The following ADAP1 variants were observed in gnomAD, a reference collection of about 807,000 sequenced individuals.
ADAP1 encodes the protein arf-GAP with dual PH domain-containing protein 1.
Under a neutral mutation model 54.9 loss-of-function variants are expected in ADAP1, and 31 were observed. That is an observed-to-expected ratio of 0.56 (90% CI 0.42 to 0.76). The LOEUF (loss-of-function observed/expected upper bound fraction) is 0.76. ADAP1 is among the 30% of genes least tolerant of loss of function. The pLI is 0.00. For synonymous variants in ADAP1, 313 were observed against 202.6 expected (o/e 1.55, Z -4.63); for missense variants, 535 against 512.4 (o/e 1.04, Z -0.42).
chr7:934,501 C>T (rs1041671014), intron 2 of ADAP1, among the ~76,000 whole-genome samples: 1 of 152,134 alleles, frequency 6.6e-6, no homozygotes, highest in African/African-American at 2.4e-5. Flanking sequence ...CCACTCTCAC[C>T]TCCATGCGGC....
chr7:911,604 G>T (rs1845726821), intron 4 of ADAP1, among the ~76,000 whole-genome samples: 1 of 116,486 alleles, frequency 8.6e-6, no homozygotes, highest in Non-Finnish European at 1.8e-5. Flanking sequence ...AGGGGGCGGG[G>T]GTCCCACGGA....
At chr7:950,365 A>T (rs765870823) in intron 1 of ADAP1, among the ~76,000 whole-genome samples, 1 of 152,080 alleles carries the variant, frequency 6.6e-6, no homozygotes, top group Non-Finnish European at 1.5e-5. Context: ...GTGCACCTGT[A>T]GTCCCAGCTA....
chr7:926,621 G>C lies in ADAP1; in HGVS notation c.237C>G (p.Asp79Glu). The C allele has an allele frequency of 1.3e-6, 2 of 1,544,226 alleles. No individual in the cohort carries two copies. The highest frequency in any genetic ancestry group is 2.5e-5 in the East Asian group (1 of 40,120). Residue 79 changes from aspartate (D) to glutamate (E), a missense_variant, in exon 3 of 11, where the codon GAC becomes GAG. Asp to Glu is a conservative substitution (Grantham distance 45). Transcript: ENST00000265846. This position sits in a 1 kb window ranked among gnomAD's most constrained non-coding sequence, Gnocchi z 4.6. ...TGGACTCAAACCTGGCTCTCGCGGC[G>C]TCGTTCCCGTGGGAGGCCATGAACT... is the stretch of plus-strand genomic sequence containing the variant. ...QVEFMASHGN[D>E]AARARFESKV... is the part of the protein sequence containing the mutation.
intron 1 of ADAP1, among the ~76,000 whole-genome samples, chr7:940,229 T>C (rs1209608528): frequency 6.6e-6 from 1 of 151,234 alleles, no homozygotes; most frequent in African/African-American, 2.4e-5. Context: ...ATCCCAGCAT[T>C]TTGGGAGATT....
chr7:931,407 G>A (rs895639646), intron 2 of ADAP1, among the ~76,000 whole-genome samples: 3 of 152,180 alleles, frequency 2.0e-5, no homozygotes, highest in South Asian at 2.1e-4. Context: ...TGAAAGGAAC[G>A]AAGCTGTCAC....
chr7:905,122 A>G lies in ADAP1; in HGVS notation c.439T>C (p.Leu147=). The G allele has an allele frequency of 6.2e-7, 1 of 1,612,550 alleles. No individual in the cohort carries two copies. Among genetic ancestry groups the G allele is most frequent in the Non-Finnish European group, 8.5e-7 (1 of 1,179,910 alleles). The stretch of plus-strand genomic sequence containing the variant: ...TCTGTCAGCACAAACTTCCGGCTCA[A>G]AAACTGCCCGTTGTCCCGGCCACGC... ...WKRGRDNGQF[L]SRKFVLTERE... Residue 147 remains leucine, a synonymous_variant, in exon 5 of 11, where the codon TTG becomes CTG. Transcript: ENST00000265846.
chr7:947,214 G>GTTT (rs373444087), intron 1 of ADAP1, among the ~76,000 whole-genome samples: 850 of 84,178 alleles, frequency 0.01, 14 homozygotes, highest in Admixed American at 0.014. Flanking sequence ...TGATTTTTTG[G>GTTT]TTTTTTTTTT....
chr7:953,840 T>C (rs1231552244), intron 1 of ADAP1, among the ~76,000 whole-genome samples: 1 of 152,032 alleles, frequency 6.6e-6, no homozygotes, highest in East Asian at 1.9e-4. Flanking sequence ...CGGCCCCACC[T>C]CTCCCAGGCC....
intron 5 of ADAP1, among the ~76,000 whole-genome samples, chr7:904,805 G>T (rs943824672): frequency 6.6e-6 from 1 of 152,222 alleles, no homozygotes; most frequent in Non-Finnish European, 1.5e-5. Context: ...CCTCTCCCAC[G>T]GCTGGGCCTG....
chr7:898,517 C>T lies in ADAP1; in HGVS notation c.*404G>A, dbSNP rs1458355483. 15 of 289,524 alleles carry T rather than the reference C, an allele frequency of 5.2e-5. No homozygotes were observed. The East Asian group carries it at 8.4e-4, about 16-fold the overall frequency. 17.9% of individuals were successfully genotyped at this position (289,524 alleles called of 1,614,324 possible). On this transcript the variant is annotated 3_prime_UTR_variant, in exon 11 of 11. Coordinates refer to ENST00000265846, the MANE Select transcript of ADAP1 (RefSeq NM_006869.4). The stretch of plus-strand genomic sequence containing the variant: ...CATGCGAGCAGGGCCCAGTCCCCAG[C>T]GGCCGGCAGCTGCCCACCGTGCTGG...
intron 6 of ADAP1, among the ~76,000 whole-genome samples, chr7:901,584 C>G (rs1025086922): frequency 2.6e-5 from 4 of 152,168 alleles, no homozygotes; most frequent in African/African-American, 9.7e-5. Context: ...CAGGCTCCTC[C>G]CATAGCAGTG....
intron 1 of ADAP1, among the ~76,000 whole-genome samples, chr7:936,619 G>A (rs1846767822): frequency 6.6e-6 from 1 of 152,252 alleles, no homozygotes; most frequent in South Asian, 2.1e-4. Context: ...TGACTCTCCT[G>A]TTTTCTTCTG....
intron 4 of ADAP1, among the ~76,000 whole-genome samples, chr7:911,853 G>A (rs959520389): frequency 2.0e-5 from 3 of 152,102 alleles, no homozygotes; most frequent in African/African-American, 7.2e-5. Context: ...CACCCAGAGA[G>A]GGGCAATGGG....
At chr7:925,442 C>T (rs1846349337) in intron 3 of ADAP1, among the ~76,000 whole-genome samples, 1 of 152,052 alleles carries the variant, frequency 6.6e-6, no homozygotes, top group Non-Finnish European at 1.5e-5. Context: ...CCCTCTCCCT[C>T]CTCCCTCTTC....
chr7:905,426 GA>G (rs1236544816), intron 4 of ADAP1: 8 of 150,058 alleles, frequency 5.3e-5, no homozygotes, highest in African/African-American at 3.1e-4. Context: ...AAAGAGAAAG[GA>G]GAAAGGAGAA....
At chr7:903,795 G>A (rs113293228) in intron 6 of ADAP1, among the ~76,000 whole-genome samples, 3 of 152,174 alleles carry the variant, frequency 2.0e-5, no homozygotes, top group Non-Finnish European at 2.9e-5. Context: ...GGGGGCGGTG[G>A]ATCCTCTAGC....
intron 2 of ADAP1, chr7:935,164 G>C (rs1251809678): frequency 2.8e-6 from 2 of 719,864 alleles, no homozygotes; most frequent in East Asian, 2.9e-5. Context: ...TGCTCACAGA[G>C]AGGTTGGACC....
chr7:941,569 T>C (rs573894641), intron 1 of ADAP1, among the ~76,000 whole-genome samples: 3 of 152,146 alleles, frequency 2.0e-5, no homozygotes, highest in African/African-American at 4.8e-5. Context: ...ATAAAATGTA[T>C]GAAAGAGGGA....
chr7:906,696 T>A (rs1048999458), intron 4 of ADAP1, among the ~76,000 whole-genome samples: 554 of 24,940 alleles, frequency 0.022, 47 homozygotes, highest in East Asian at 0.06. Flanking sequence ...ACGGGGGACA[T>A]GGACATGGGG....
Sources: allele counts gnomAD v4.1 joint callset (sites outside exome capture counted in the v4.1 genomes callset), GRCh38; gene constraint gnomAD v4.1.1; non-coding constraint Gnocchi (gnomAD v3.1); transcripts MANE v1.5; gene names NCBI Gene and HGNC (gene_info 2026-07-23, HGNC 2026-07-21).